The following ADARB1 variants were observed in gnomAD, a reference collection of about 807,000 sequenced individuals.
The protein encoded by ADARB1 is double-stranded RNA-specific editase 1.
A neutral mutation model predicts 52.4 loss-of-function variants in ADARB1; 10 were observed. That is an observed-to-expected ratio of 0.19 (90% CI 0.12 to 0.32). The LOEUF is 0.32. Ranked by LOEUF, ADARB1 falls within the 10% of genes least tolerant of loss-of-function variation. ADARB1 has a pLI of 1.00. For synonymous variants in ADARB1, 349 were observed against 371.1 expected, an observed-to-expected ratio of 0.94 and a Z score of 0.68; for missense variants, 643 against 922.3, an observed-to-expected ratio of 0.70 and a Z score of 3.92.
At chr21:45,169,524 C>A (rs1195640136) in intron 2 of ADARB1, among the ~76,000 whole-genome samples, 2 of 152,176 alleles carry the variant, frequency 1.3e-5, no homozygotes, top group Admixed American at 6.5e-5. Flanking sequence ...TGCAGGGTCG[C>A]TTCTCAGGTC....
chr21:45,136,425 G>T (rs1163575728), intron 2 of ADARB1, among the ~76,000 whole-genome samples: 1 of 152,232 alleles, frequency 6.6e-6, no homozygotes. Context: ...GGAAAATAAC[G>T]TCAAGTGGTG....
In ADARB1 at chr21:45,222,488, G is replaced by C; in HGVS notation, c.*291G>C. On this transcript the variant is annotated 3_prime_UTR_variant, in exon 11 of 11. Transcript: ENST00000348831. Reference sequence around the variant, plus strand: ...GTGACTGCTTTCAATCTCGGTTTACGTTTAGAAATTGAGTTCTACTGAGTA... The same window carrying C: ...GTGACTGCTTTCAATCTCGGTTTACCTTTAGAAATTGAGTTCTACTGAGTA... The C allele has an allele frequency of 8.4e-7, 1 of 1,190,482 alleles. No individual in the cohort carries two copies. Among genetic ancestry groups the C allele is most frequent in the Non-Finnish European group, 1.0e-6 (1 of 960,994 alleles). 73.7% of individuals were successfully genotyped at this position (1,190,482 alleles called of 1,614,324 possible). A position where few individuals can be genotyped will look rare whatever the true frequency, so the allele number is the denominator to read the frequency against.
intron 2 of ADARB1, chr21:45,152,459 G>T: frequency 4.3e-6 from 1 of 234,412 alleles, no homozygotes; most frequent in South Asian, 4.0e-5. Flanking sequence ...TGATGAATGG[G>T]CCCGAGGCAG....
At position 45,182,743 on chromosome 21, in the gene ADARB1, C is replaced by A; in HGVS notation, c.1237C>A (p.Leu413Ile). 6.3e-7 allele frequency: 1 copy of A among 1,580,866 alleles called. No homozygotes were observed. The change falls in exon 6 of 11, where the codon CTT becomes ATT. Residue 413 changes from leucine (L) to isoleucine (I), a missense_variant. Coordinates refer to ENST00000348831, the MANE Select transcript of ADARB1 (RefSeq NM_001112.4). The part of the protein sequence containing the change: ...LLRFLYTQLE[L>I]YLNNKDDQKR... ...CAGATTTCTTTATACACAACTTGAG[C>A]TTTACTTAAAGTAAGTTTAGTAAAC...
chr21:45,105,328 A>C (rs991638670), intron 1 of ADARB1, among the ~76,000 whole-genome samples: 2 of 152,170 alleles, frequency 1.3e-5, no homozygotes, highest in African/African-American at 2.4e-5. Flanking sequence ...CTTGAACTCC[A>C]GACCCTCAGA....
intron 9 of ADARB1, among the ~76,000 whole-genome samples, chr21:45,217,072 A>G (rs73386747): frequency 0.022 from 3,366 of 152,030 alleles, 135 homozygotes; most frequent in African/African-American, 0.077. Flanking sequence ...TTTATATTAA[A>G]GTACTTTATC....
intron 8 of ADARB1, among the ~76,000 whole-genome samples, chr21:45,194,302 G>A (rs2092373861): frequency 6.6e-6 from 1 of 152,178 alleles, no homozygotes; most frequent in African/African-American, 2.4e-5. Context: ...AAAGCCCACA[G>A]TTTACAATGG....
At chr21:45,110,819 C>T (rs188057787) in intron 1 of ADARB1, among the ~76,000 whole-genome samples, 5 of 152,280 alleles carry the variant, frequency 3.3e-5, no homozygotes, top group African/African-American at 7.2e-5. Flanking sequence ...TTCCTAAATG[C>T]AGTGGGCGCA....
At chr21:45,104,005 G>A (rs900408186) in intron 1 of ADARB1, among the ~76,000 whole-genome samples, 1 of 152,010 alleles carries the variant, frequency 6.6e-6, no homozygotes, top group Non-Finnish European at 1.5e-5. Context: ...CACACTTATC[G>A]AACCAGGCCC....
chr21:45,221,025 G>T lies in ADARB1; in HGVS notation c.1926+11G>T. 1.9e-6 allele frequency: 3 copies of T among 1,596,280 alleles called. No homozygotes were observed. Among genetic ancestry groups the T allele is most frequent in the Non-Finnish European group, 2.6e-6 (3 of 1,169,284 alleles). ...CGTGTGCACGGCAAGGTACTGAGGCGCCCTCACCGCAATGCGCCGGCTCCA... is the reference window on the plus strand; with the variant it reads ...CGTGTGCACGGCAAGGTACTGAGGCTCCCTCACCGCAATGCGCCGGCTCCA... On this transcript the variant is annotated intron_variant, in intron 10 of 10. Transcript: ENST00000348831. This position sits in a 1 kb window ranked among gnomAD's most constrained non-coding sequence, Gnocchi z 4.9.
chr21:45,201,767 G>C (rs1477202256), intron 8 of ADARB1, among the ~76,000 whole-genome samples: 1 of 152,212 alleles, frequency 6.6e-6, no homozygotes, highest in Admixed American at 6.5e-5. Flanking sequence ...AAATTATGTG[G>C]AAGTCAGAAT....
At chr21:45,162,914 T>TAAC (rs1249911414) in intron 2 of ADARB1, among the ~76,000 whole-genome samples, 6 of 151,702 alleles carry the variant, frequency 4.0e-5, no homozygotes, top group African/African-American at 1.5e-4. Flanking sequence ...ATGTGAATCT[T>TAAC]AACTCACAGC....
At chr21:45,118,728 C>T (rs1029541201) in intron 1 of ADARB1, 1 of 152,150 alleles carries the variant, frequency 6.6e-6, no homozygotes, top group African/African-American at 2.4e-5. Context: ...GCCCGCGTGC[C>T]CATATTGGGA....
At chr21:45,081,783 G>A (rs770378575) in intron 1 of ADARB1, among the ~76,000 whole-genome samples, 3 of 152,178 alleles carry the variant, frequency 2.0e-5, no homozygotes, top group Non-Finnish European at 2.9e-5. Context: ...CATGTCAGGA[G>A]GGGGGACAAC....
At position 45,096,805 on chromosome 21, in the gene ADARB1, T is replaced by C. The variant is rs536978593; in HGVS notation, c.-220+22012T>C. On this transcript the variant is annotated intron_variant, in intron 1 of 10. Coordinates refer to ENST00000348831, the MANE Select transcript of ADARB1 (RefSeq NM_001112.4). ...GAGTCTGTCTCTGTCGCCCAGGCGGTGCAGTGGCACTGCCAGCTCTGCCTC... is the reference window on the plus strand; with the variant it reads ...GAGTCTGTCTCTGTCGCCCAGGCGGCGCAGTGGCACTGCCAGCTCTGCCTC... Among the ~76,000 whole-genome samples, 22 of 152,360 alleles carry C rather than the reference T, an allele frequency of 1.4e-4. No individual in the cohort carries two copies. In the South Asian group the frequency reaches 1.9e-3, roughly 13 times the overall value.
At chr21:45,137,140 G>C (rs2145875353) in intron 2 of ADARB1, 1 of 152,350 alleles carries the variant, frequency 6.6e-6, no homozygotes, top group East Asian at 1.9e-4. Flanking sequence ...TTGAAGACTG[G>C]TGTGTGTGTA....
At chr21:45,075,517 C>G (rs891838188) in intron 1 of ADARB1, among the ~76,000 whole-genome samples, 1 of 152,232 alleles carries the variant, frequency 6.6e-6, no homozygotes, top group Non-Finnish European at 1.5e-5. Flanking sequence ...GCGGCCCGGG[C>G]CAGGGAAGTT....
At chr21:45,144,231 C>T (rs2089896729) in intron 2 of ADARB1, among the ~76,000 whole-genome samples, 1 of 152,164 alleles carries the variant, frequency 6.6e-6, no homozygotes, top group Non-Finnish European at 1.5e-5. Flanking sequence ...TCATATTTCC[C>T]CTTCTTATAA....
At position 45,222,213 on chromosome 21, in the gene ADARB1, T is replaced by TG; in HGVS notation, c.*22dup. The TG allele has an allele frequency of 6.5e-7, 1 of 1,537,130 alleles. No homozygotes were observed. Among genetic ancestry groups the TG allele is most frequent in the Non-Finnish European group, 8.7e-7 (1 of 1,145,740 alleles). ...CACGCCCTGACCCGGGCAGACATGA[T>TG]GGGGGGTGCAGGGGGCTGTGGGCAT... is the stretch of plus-strand genomic sequence containing the variant. On this transcript the variant is annotated 3_prime_UTR_variant, in exon 11 of 11. Transcript: ENST00000348831.
Sources: allele counts gnomAD v4.1 joint callset (sites outside exome capture counted in the v4.1 genomes callset), GRCh38; gene constraint gnomAD v4.1.1; non-coding constraint Gnocchi (gnomAD v3.1); transcripts MANE v1.5; gene names NCBI Gene and HGNC (gene_info 2026-07-23, HGNC 2026-07-21).